Variants in DACH1 observed in about 807,000 individuals in gnomAD.
DACH1 encodes dachshund family transcription factor 1.
In DACH1, 12 loss-of-function variants were observed where a neutral mutation model predicts 54.2. The observed-to-expected ratio is 0.22, with a 90% CI of 0.14 to 0.36. The LOEUF (loss-of-function observed/expected upper bound fraction) is 0.36. Among genes scored for constraint, DACH1 ranks in the 10% least tolerant of loss-of-function variants. The pLI is 1.00. For synonymous variants in DACH1, 386 were observed against 366.2 expected, an observed-to-expected ratio of 1.05 and a Z score of -0.62; for missense variants, 805 against 929.8, an observed-to-expected ratio of 0.87 and a Z score of 1.75.
At chr13:71,674,451 A>T (rs1398871233) in intron 2 of DACH1, among the ~76,000 whole-genome samples, 1 of 143,168 alleles carries the variant, frequency 7.0e-6, no homozygotes, top group East Asian at 2.0e-4. Flanking sequence ...ACACACACAC[A>T]CACACACACA....
At chr13:71,641,591 A>AAAC (rs549065829) in intron 2 of DACH1, among the ~76,000 whole-genome samples, 56 of 152,260 alleles carry the variant, frequency 3.7e-4, no homozygotes, top group African/African-American at 1.1e-3. Flanking sequence ...TTATGGAAAA[A>AAAC]AACAATCCTA....
At chr13:71,822,315 A>G (rs571860489) in intron 1 of DACH1, among the ~76,000 whole-genome samples, 1 of 152,368 alleles carries the variant, frequency 6.6e-6, no homozygotes, top group Non-Finnish European at 1.5e-5. Flanking sequence ...GCAAAATATT[A>G]CATGGATTAA....
intron 1 of DACH1, among the ~76,000 whole-genome samples, chr13:71,717,721 T>A (rs188381508): frequency 2.8e-3 from 433 of 152,142 alleles, no homozygotes; most frequent in Admixed American, 4.5e-3. Context: ...TCCTGCTACT[T>A]AGGAATATAA....
intron 2 of DACH1, among the ~76,000 whole-genome samples, chr13:71,647,539 G>A (rs1021763573): frequency 1.3e-5 from 2 of 152,250 alleles, no homozygotes; most frequent in Middle Eastern, 6.8e-3. Context: ...TGAAGAAATC[G>A]TTCCCACGGG....
chr13:71,802,600 C>A (rs967480809), intron 1 of DACH1, among the ~76,000 whole-genome samples: 3 of 151,728 alleles, frequency 2.0e-5, no homozygotes, highest in Non-Finnish European at 4.4e-5. Context: ...AAATTTTATT[C>A]TTTATATTAA....
rs141455264 is a variant in DACH1, at chr13:71,701,580, G to C, written c.849-19670C>G. Among the ~76,000 whole-genome samples the C allele has an allele frequency of 4.1e-3, 617 of 152,158 alleles. 2 individuals carry two copies. The highest frequency in any genetic ancestry group is 0.014 in the African/African-American group (581 of 41,534). The stretch of plus-strand genomic sequence containing the variant: ...ATGGGAGATAGTGACAGAACAAAAG[G>C]GGGATTGATAGGAGGTAGTTAAGGA... On this transcript the variant is annotated intron_variant, in intron 1 of 10. Coordinates refer to ENST00000613252, the MANE Select transcript of DACH1 (RefSeq NM_080759.6).
chr13:71,782,538 C>A (rs1886429101), intron 1 of DACH1, among the ~76,000 whole-genome samples: 1 of 151,982 alleles, frequency 6.6e-6, no homozygotes, highest in African/African-American at 2.4e-5. Flanking sequence ...AGTCCCAGTG[C>A]CTAATAATCT....
At chr13:71,724,817 A>G (rs928085577) in intron 1 of DACH1, among the ~76,000 whole-genome samples, 2 of 152,092 alleles carry the variant, frequency 1.3e-5, no homozygotes, top group Admixed American at 6.6e-5. Context: ...CTCCATAAAG[A>G]CTACTTTAGA....
chr13:71,759,257 C>T (rs1270097989), intron 1 of DACH1, among the ~76,000 whole-genome samples: 2 of 151,622 alleles, frequency 1.3e-5, no homozygotes, highest in Non-Finnish European at 2.9e-5. Context: ...ACCATCATGA[C>T]CTTAAATGTG....
At chr13:71,568,720 G>A (rs1363508397) in intron 4 of DACH1, among the ~76,000 whole-genome samples, 1 of 152,000 alleles carries the variant, frequency 6.6e-6, no homozygotes, top group Non-Finnish European at 1.5e-5. Flanking sequence ...AAGGATGTGG[G>A]AATTATTTCT....
intron 1 of DACH1, among the ~76,000 whole-genome samples, chr13:71,784,018 A>G (rs1886492636): frequency 6.6e-6 from 1 of 151,860 alleles, no homozygotes; most frequent in African/African-American, 2.4e-5. Flanking sequence ...TGTTAGCATA[A>G]AAGTAAAAAC....
intron 3 of DACH1, among the ~76,000 whole-genome samples, chr13:71,620,960 A>C (rs562407545): frequency 6.6e-6 from 1 of 152,144 alleles, no homozygotes; most frequent in African/African-American, 2.4e-5. Context: ...AACTCAATTG[A>C]TAAAAAGACT....
At chr13:71,475,470 G>A (rs1305560648) in intron 9 of DACH1, among the ~76,000 whole-genome samples, 1 of 152,040 alleles carries the variant, frequency 6.6e-6, no homozygotes, top group African/African-American at 2.4e-5. Flanking sequence ...AAAAAAATCT[G>A]GTTAAGCAGA....
At chr13:71,727,817 C>T (rs775209539) in intron 1 of DACH1, among the ~76,000 whole-genome samples, 1 of 152,052 alleles carries the variant, frequency 6.6e-6, no homozygotes, top group Non-Finnish European at 1.5e-5. Context: ...TATGCTACTG[C>T]ACTTTTTGCA....
intron 2 of DACH1, among the ~76,000 whole-genome samples, chr13:71,645,408 G>C (rs139790977): frequency 2.6e-5 from 4 of 152,256 alleles, no homozygotes; most frequent in East Asian, 3.9e-4. Flanking sequence ...GAGTGGTCAT[G>C]GTTTATAATT....
Position 71,461,844 on chromosome 13 carries a change from C to T in DACH1, c.2083+13297G>A, listed in dbSNP as rs546696185. Among the ~76,000 whole-genome samples, 5 of 152,026 alleles carry T rather than the reference C, an allele frequency of 3.3e-5. No homozygotes were observed. The South Asian group carries it at 6.2e-4, about 19-fold the overall frequency. On this transcript the variant is annotated intron_variant, in intron 10 of 10. Coordinates refer to ENST00000613252, the MANE Select transcript of DACH1 (RefSeq NM_080759.6). ...GTATAAACCACTAAGAAAATAAAGA[C>T]ATCAAAATTATTAATATAATATTGT...
chr13:71,637,720 C>A (rs1877586989), intron 2 of DACH1, among the ~76,000 whole-genome samples: 1 of 151,892 alleles, frequency 6.6e-6, no homozygotes, highest in African/African-American at 2.4e-5. Flanking sequence ...TTAAAACGGC[C>A]TTTAAATTCT....
chr13:71,789,943 C>T (rs1326534108), intron 1 of DACH1, among the ~76,000 whole-genome samples: 7 of 152,122 alleles, frequency 4.6e-5, no homozygotes, highest in African/African-American at 1.7e-4. Flanking sequence ...ATTTATTAGT[C>T]TATAAAATTT....
chr13:71,859,272 T>C (rs1043429546), intron 1 of DACH1, among the ~76,000 whole-genome samples: 1 of 151,568 alleles, frequency 6.6e-6, no homozygotes, highest in Non-Finnish European at 1.5e-5. Context: ...GAATGAAAGA[T>C]GATTTTTTTT....
Sources: gnomAD v4.1 joint callset for allele counts (sites outside exome capture counted in the v4.1 genomes callset) on GRCh38, gnomAD v4.1.1 for gene constraint, MANE v1.5 for transcripts, NCBI Gene and HGNC (gene_info 2026-07-23, HGNC 2026-07-21) for gene names.